GATB: variants seen among roughly 807,000 people sequenced by gnomAD.
GATB encodes the protein glutamyl-tRNA amidotransferase subunit B.
Under a neutral mutation model 62.3 loss-of-function variants are expected in GATB, and 39 were observed. That is an observed-to-expected ratio of 0.63 (90% confidence interval 0.48 to 0.82). The LOEUF (loss-of-function observed/expected upper bound fraction) is 0.82. GATB is among the 40% of genes least tolerant of loss of function. GATB has a pLI of 0.00. For synonymous variants in GATB, 276 were observed against 258.9 expected (o/e 1.07, Z -0.63); for missense variants, 670 against 684.0 (o/e 0.98, Z 0.23).
intron 2 of GATB, among the ~76,000 whole-genome samples, chr4:151,728,182 C>CA (rs1438223643): frequency 6.6e-6 from 1 of 151,836 alleles, no homozygotes; most frequent in Admixed American, 6.6e-5. Context: ...TTCCCATGGC[C>CA]AAAAAAAGCT....
intron 6 of GATB, 58 bp downstream of exon 6, chr4:151,707,930 A>C: frequency 8.6e-7 from 1 of 1,157,092 alleles, no homozygotes; most frequent in Non-Finnish European, 1.3e-6. Context: ...GTTGTTTGTT[A>C]CCCAGCAAGA....
intron 9 of GATB, among the ~76,000 whole-genome samples, chr4:151,697,985 A>ATATATATATATATATATGTG (rs1560847802): frequency 7.2e-5 from 10 of 138,276 alleles, no homozygotes; most frequent in African/African-American, 2.9e-4. Flanking sequence ...ATATATATAT[A>ATATATATATATATATATGTG]TATATATATG....
rs941448056 is a variant in GATB, at chr4:151,716,109, G to A, written c.663C>T (p.Val221=). The A allele has an allele frequency of 1.9e-6, 3 of 1,613,776 alleles. No homozygotes were observed. Among genetic ancestry groups the A allele is most frequent in the Non-Finnish European group, 8.5e-7 (1 of 1,179,922 alleles). Residue 221 remains valine, a synonymous_variant, in exon 5 of 13, where the codon GTC becomes GTT. Transcript: ENST00000263985. The stretch of plus-strand genomic sequence containing the variant: ...CTCCACAGGACATGTCGGGCTCCAG[G>A]ACCACCTCCAGAAGGCCCACTCCTA... ...NRAGVGLLEV[V]LEPDMSCGEE...
chr4:151,751,608 AG>A (rs1739722692), intron 2 of GATB, among the ~76,000 whole-genome samples: 1 of 152,246 alleles, frequency 6.6e-6, no homozygotes, highest in Admixed American at 6.5e-5. Context: ...GTAAGAATTT[AG>A]TTCTTTTCCC....
chr4:151,706,988 A>G (rs1174642943), intron 6 of GATB, among the ~76,000 whole-genome samples: 1 of 152,238 alleles, frequency 6.6e-6, no homozygotes, highest in East Asian at 1.9e-4. Flanking sequence ...TTATCTTGCT[A>G]AACTATTTTA....
At chr4:151,708,696 C>T (rs968398391) in intron 5 of GATB, among the ~76,000 whole-genome samples, 5 of 152,166 alleles carry the variant, frequency 3.3e-5, no homozygotes, top group Admixed American at 3.3e-4. Flanking sequence ...AACATGACTC[C>T]GAATCCTTCC....
At chr4:151,678,500 A>T (rs6535813) in intron 11 of GATB, among the ~76,000 whole-genome samples, 90,782 of 151,872 alleles carry the variant, frequency 0.6, 29,705 homozygotes, top group African/African-American at 0.89. Context: ...GGCCATCTAA[A>T]CTTCCTGCAA....
At chr4:151,720,640 C>T (rs1739013693) in intron 2 of GATB, 1 of 152,184 alleles carries the variant, frequency 6.6e-6, no homozygotes, top group Non-Finnish European at 1.5e-5. Flanking sequence ...TTTATTTCAG[C>T]CTCACAGCAA....
chr4:151,697,973 A>G lies in GATB; in HGVS notation c.1197+3356T>C, dbSNP rs1384580916. On this transcript the variant is annotated intron_variant, in intron 9 of 12. Transcript: ENST00000263985. ...TGTGTGTATATATATATATATATAT[A>G]TATATATATATATATATATATGAAA... 2.6e-3 allele frequency among the ~76,000 whole-genome samples: 259 copies of G among 100,092 alleles called. 5 individuals are homozygous for G. Among genetic ancestry groups the G allele is most frequent in the South Asian group, 6.5e-3 (16 of 2,462 alleles). The allele number at this position is 100,092 out of a possible 152,430, so 65.7% of individuals were successfully genotyped here. A position where few individuals can be genotyped will look rare whatever the true frequency, so the allele number is the denominator to read the frequency against.
intron 2 of GATB, among the ~76,000 whole-genome samples, chr4:151,753,355 C>T (rs921900341): frequency 1.3e-5 from 2 of 152,102 alleles, no homozygotes; most frequent in South Asian, 2.1e-4. Flanking sequence ...ACATCCTGAG[C>T]GTTTTTAAGG....
chr4:151,705,318 T>A, intron 6 of GATB, 49 bp from the exon 7 acceptor site: 1 of 1,158,272 alleles, frequency 8.6e-7, no homozygotes. Flanking sequence ...ATACCTTTCA[T>A]CCAGTCAAGC....
Position 151,758,781 on chromosome 4 carries a change from T to G in GATB, c.318A>C (p.Gly106=), listed in dbSNP as rs1244177265. The G allele has an allele frequency of 2.5e-6, 4 of 1,586,186 alleles. No homozygotes were observed. The highest frequency in any genetic ancestry group is 1.7e-4 in the Middle Eastern group (1 of 5,966). The part of the protein sequence containing the change: ...LVSFFDASLP[G]TLPVLNRRCV... ...TAAATAAGAATCTTACCGGCAAAGT[T>G]CCAGGTAGAGATGCATCAAAAAAAG... Residue 106 remains glycine, a synonymous_variant, in exon 2 of 13, where the codon GGA becomes GGC. Transcript: ENST00000263985.
At chr4:151,697,953 G>A (rs371111563) in intron 9 of GATB, among the ~76,000 whole-genome samples, 815 of 40,230 alleles carry the variant, frequency 0.02, 55 homozygotes, top group African/African-American at 0.076. Flanking sequence ...GTGTGTGTGT[G>A]TATATATATA....
At chr4:151,736,669 AC>A (rs2126990170) in intron 2 of GATB, among the ~76,000 whole-genome samples, 1 of 152,340 alleles carries the variant, frequency 6.6e-6, no homozygotes, top group Admixed American at 6.5e-5. Context: ...AAAGTTAAAA[AC>A]ATGAGTACTG....
At chr4:151,702,567 C>T (rs79399271) in intron 8 of GATB, among the ~76,000 whole-genome samples, 1 of 152,270 alleles carries the variant, frequency 6.6e-6, no homozygotes, top group Non-Finnish European at 1.5e-5. Context: ...TACTGTGGCA[C>T]ATTAACAGGA....
chr4:151,758,861 T>C lies in GATB; in HGVS notation c.238A>G (p.Lys80Glu). The change falls in exon 2 of 13, where the codon AAA becomes GAA. Residue 80 changes from lysine to glutamate, a missense_variant. Coordinates refer to ENST00000263985, the MANE Select transcript of GATB (RefSeq NM_004564.3). ...CGAACTTGAGATCCAGAGAAGAGTT[T>C]AGAGTTGGAGGAAATCTGGGCATGA... ...EIHAQISSNS[K>E]LFSGSQVRFS... is the part of the protein sequence containing the mutation. The C allele has an allele frequency of 6.2e-7, 1 of 1,611,524 alleles. No individual in the cohort carries two copies. The highest frequency in any genetic ancestry group is 8.5e-7 in the Non-Finnish European group (1 of 1,178,646).
chr4:151,672,690 G>T (rs1286208702), intron 12 of GATB, 72 bp downstream of exon 12: 9 of 1,516,850 alleles, frequency 5.9e-6, no homozygotes, highest in Middle Eastern at 1.8e-4. Flanking sequence ...GGCTGCCACA[G>T]GGAGCGATGG....
chr4:151,690,667 G>A (rs1738346624), intron 9 of GATB, among the ~76,000 whole-genome samples: 1 of 152,222 alleles, frequency 6.6e-6, no homozygotes, highest in African/African-American at 2.4e-5. Flanking sequence ...TGGCTGAGTT[G>A]CTGGGACGTG....
chr4:151,700,118 A>G (rs575230741), intron 9 of GATB, among the ~76,000 whole-genome samples: 124 of 152,362 alleles, frequency 8.1e-4, no homozygotes, highest in Non-Finnish European at 1.5e-3. Context: ...GGAAAAATAC[A>G]TGAATTGTAA....
Sources: allele counts gnomAD v4.1 joint callset (sites outside exome capture counted in the v4.1 genomes callset), GRCh38; gene constraint gnomAD v4.1.1; transcripts MANE v1.5; gene names NCBI Gene and HGNC (gene_info 2026-07-23, HGNC 2026-07-21).